Variants in TMEM132B observed in about 807,000 individuals in gnomAD.
TMEM132B encodes the protein transmembrane protein 132B.
TMEM132B carries 18 observed loss-of-function variants against 90.8 expected under a neutral mutation model. The observed-to-expected ratio is 0.20, with a 90% CI of 0.14 to 0.29. The LOEUF is 0.29. Ranked by LOEUF, TMEM132B falls within the 10% of genes least tolerant of loss-of-function variation. The probability of loss-of-function intolerance (pLI) is 1.00; values close to 1 mark genes in which losing one functional copy is unlikely to be tolerated. For missense variants in TMEM132B, 1,096 were observed against 1,326.8 expected (o/e 0.83, Z 2.70); for synonymous variants, 504 against 523.3 (o/e 0.96, Z 0.50).
intron 4 of TMEM132B, among the ~76,000 whole-genome samples, chr12:125,561,052 A>G (rs1050362577): frequency 8.5e-5 from 13 of 152,136 alleles, no homozygotes; most frequent in African/African-American, 2.7e-4. Context: ...AAATCATTCT[A>G]CTATAAAGAC....
chr12:125,434,692 C>T (rs895456199), intron 3 of TMEM132B, among the ~76,000 whole-genome samples: 2 of 152,236 alleles, frequency 1.3e-5, no homozygotes, highest in African/African-American at 4.8e-5. Context: ...CTCCCTTGCC[C>T]TTTCAGCCTA....
At chr12:125,419,729 A>G (rs1211087543) in intron 3 of TMEM132B, among the ~76,000 whole-genome samples, 2 of 152,184 alleles carry the variant, frequency 1.3e-5, no homozygotes, top group Non-Finnish European at 2.9e-5. Flanking sequence ...CATTAACTCA[A>G]AAGTCCACAG....
intron 1 of TMEM132B, among the ~76,000 whole-genome samples, chr12:125,203,911 T>C (rs1384712999): frequency 1.3e-5 from 2 of 152,180 alleles, no homozygotes; most frequent in African/African-American, 4.8e-5. Flanking sequence ...GAAACTTTAA[T>C]ATAAAGAACT....
At chr12:125,236,639 C>A (rs928370004) in intron 1 of TMEM132B, among the ~76,000 whole-genome samples, 2 of 152,172 alleles carry the variant, frequency 1.3e-5, no homozygotes, top group Admixed American at 1.3e-4. Context: ...CACTGCTGCC[C>A]CTGGGACAGA....
chr12:125,580,047 A>C lies in TMEM132B; in HGVS notation c.1294-3804A>C, dbSNP rs965192296. ...TGGTGGTCAGCCAATGATTAGGCAG[A>C]GTTTTCTTTAAATACCTGACACCTG... is the stretch of plus-strand genomic sequence containing the variant. On this transcript the variant is annotated intron_variant, in intron 4 of 8. Transcript: ENST00000682704. 1.3e-4 allele frequency among the ~76,000 whole-genome samples: 20 copies of C among 152,066 alleles called. No individual in the cohort carries two copies. In the East Asian group the frequency reaches 3.5e-3, roughly 26 times the overall value.
At chr12:125,565,403 C>T (rs537120473) in intron 4 of TMEM132B, among the ~76,000 whole-genome samples, 5 of 152,250 alleles carry the variant, frequency 3.3e-5, no homozygotes, top group African/African-American at 4.8e-5. Flanking sequence ...GGACCTGTGA[C>T]TCCTGAAGCC....
At chr12:125,600,140 C>T (rs1247540920) in intron 5 of TMEM132B, among the ~76,000 whole-genome samples, 1 of 152,094 alleles carries the variant, frequency 6.6e-6, no homozygotes, top group African/African-American at 2.4e-5. Flanking sequence ...ATTTTGGCAA[C>T]AGTGTGAGGG....
intron 4 of TMEM132B, among the ~76,000 whole-genome samples, chr12:125,525,848 A>G (rs1443688435): frequency 2.6e-5 from 4 of 152,172 alleles, no homozygotes; most frequent in Admixed American, 6.5e-5. Flanking sequence ...CCACAGTCCC[A>G]GGGTGGCATC....
chr12:125,633,451 G>T (rs560682266), intron 5 of TMEM132B, among the ~76,000 whole-genome samples: 1 of 152,312 alleles, frequency 6.6e-6, no homozygotes, highest in Admixed American at 6.5e-5. Context: ...ATTTGGTGAG[G>T]ACATGTTTTC....
intron 3 of TMEM132B, among the ~76,000 whole-genome samples, chr12:125,434,304 A>AC (rs1406082419): frequency 1.3e-5 from 2 of 151,878 alleles, no homozygotes; most frequent in East Asian, 3.9e-4. Context: ...TAATCTCCCC[A>AC]CCCCAGGAAC....
At chr12:125,474,043 CT>C (rs1157827098) in intron 3 of TMEM132B, among the ~76,000 whole-genome samples, 1 of 138,858 alleles carries the variant, frequency 7.2e-6, no homozygotes, top group African/African-American at 2.9e-5. Flanking sequence ...TCCTTCCTTC[CT>C]TCCTTCTTTC....
chr12:125,347,881 A>G (rs540621664), intron 1 of TMEM132B, among the ~76,000 whole-genome samples: 2 of 152,310 alleles, frequency 1.3e-5, no homozygotes, highest in South Asian at 4.1e-4. Context: ...GTATGTACTC[A>G]TGTGTACATG....
rs1454161859 is a variant in TMEM132B, at chr12:125,492,427, A to T, written c.1107-27012A>T. On this transcript the variant is annotated intron_variant, in intron 3 of 8. Transcript: ENST00000682704. This position sits in a 1 kb window ranked among gnomAD's most constrained non-coding sequence, Gnocchi z 5.8. ...CCCTCTTGAAACCTGAGGGTAAGGG[A>T]AGGGGACTGCACGGCTGCTTTGCAG... Among the ~76,000 whole-genome samples, 2 of 152,152 alleles carry T rather than the reference A, an allele frequency of 1.3e-5. No homozygotes were observed. Among genetic ancestry groups the T allele is most frequent in the Admixed American group, 6.5e-5 (1 of 15,286 alleles).
intron 1 of TMEM132B, among the ~76,000 whole-genome samples, chr12:125,238,205 C>T (rs189314648): frequency 2.6e-4 from 39 of 151,788 alleles, no homozygotes; most frequent in Non-Finnish European, 2.9e-5. Context: ...CAAGTGGTCG[C>T]CTCTGTTTGT....
chr12:125,392,843 A>G (rs111584455), intron 2 of TMEM132B, among the ~76,000 whole-genome samples: 39 of 152,344 alleles, frequency 2.6e-4, no homozygotes, highest in African/African-American at 8.9e-4. Flanking sequence ...TATGTGTGAA[A>G]GTACTTGGCA....
intron 1 of TMEM132B, among the ~76,000 whole-genome samples, chr12:125,268,071 C>T (rs1184197525): frequency 6.6e-6 from 1 of 152,112 alleles, no homozygotes; most frequent in Non-Finnish European, 1.5e-5. Flanking sequence ...CTTAGCAAGA[C>T]TCCATCTCTA....
rs749459125 is a variant in TMEM132B, at chr12:125,652,505, T to C, written c.1979T>C (p.Val660Ala). 8.1e-6 allele frequency: 13 copies of C among 1,613,480 alleles called. No individual in the cohort carries two copies. The highest frequency in any genetic ancestry group is 1.1e-5 in the Non-Finnish European group (13 of 1,179,670). Reference protein sequence around the residue: ...EKTVIVLDDRVTIAELGVQLV... With the variant: ...EKTVIVLDDRATIAELGVQLV... ...ACGGTGATTGTCCTGGATGACCGAGTCACCATCGCGGAGCTGGGAGTGCAG... is the reference window on the plus strand; with the variant it reads ...ACGGTGATTGTCCTGGATGACCGAGCCACCATCGCGGAGCTGGGAGTGCAG... Residue 660 changes from valine to alanine, a missense_variant, in exon 8 of 9, where the codon GTC becomes GCC. Val to Ala is a moderately conservative substitution (Grantham distance 64). Transcript: ENST00000682704.
chr12:125,450,532 C>T (rs1881121027), intron 3 of TMEM132B, among the ~76,000 whole-genome samples: 1 of 152,054 alleles, frequency 6.6e-6, no homozygotes, highest in African/African-American at 2.4e-5. Flanking sequence ...TTGGCTTTCT[C>T]TTGTGTACAG....
At chr12:125,308,121 TATAC>T (rs1876039658) in intron 1 of TMEM132B, among the ~76,000 whole-genome samples, 1 of 146,532 alleles carries the variant, frequency 6.8e-6, no homozygotes, top group South Asian at 2.1e-4. Flanking sequence ...CAAGTATATA[TATAC>T]ACATAAGTAT....
Sources: gnomAD v4.1 joint callset for allele counts (sites outside exome capture counted in the v4.1 genomes callset) on GRCh38, gnomAD v4.1.1 for gene constraint, Gnocchi (gnomAD v3.1) non-coding constraint, MANE v1.5 for transcripts, NCBI Gene and HGNC (gene_info 2026-07-23, HGNC 2026-07-21) for gene names.